Variants in RIN2 observed in about 807,000 individuals in gnomAD.
RIN2 encodes RAB5 interacting protein 2.
RIN2 carries 36 observed loss-of-function variants against 78.0 expected under a neutral mutation model. The ratio of observed to expected loss-of-function variants is 0.46; its 90% CI spans 0.35 to 0.61. The LOEUF is 0.61. Ranked by LOEUF, RIN2 falls within the 20% of genes least tolerant of loss-of-function variation. The pLI is 0.00. For synonymous variants in RIN2, 466 were observed against 466.8 expected, an observed-to-expected ratio of 1.00 and a Z score of 0.02; for missense variants, 1,087 against 1,159.7, an observed-to-expected ratio of 0.94 and a Z score of 0.91.
At chr20:19,757,753 T>C (rs2033429513), upstream of RIN2, 2 of 152,180 alleles carry the variant, frequency 1.3e-5, no homozygotes, top group Admixed American at 1.3e-4. Context: ...TGCGCGTTTG[T>C]GCTAAAACAA....
At chr20:19,968,565 A>G (rs1260183408) in intron 7 of RIN2, among the ~76,000 whole-genome samples, 3 of 152,168 alleles carry the variant, frequency 2.0e-5, no homozygotes, top group Non-Finnish European at 4.4e-5. Context: ...CTAATTTTCT[A>G]GTAGATCAAA....
chr20:19,911,548 C>CAAAAA (rs1158996240), intron 3 of RIN2, among the ~76,000 whole-genome samples: 2 of 152,250 alleles, frequency 1.3e-5, no homozygotes, highest in East Asian at 1.9e-4. Context: ...AGACACAAGC[C>CAAAAA]AAAAAGCTAT....
chr20:19,932,247 C>T (rs1005272248), intron 3 of RIN2, among the ~76,000 whole-genome samples: 35 of 152,192 alleles, frequency 2.3e-4, no homozygotes, highest in African/African-American at 8.4e-4. Context: ...TTTCCTCTCC[C>T]TGTCTCCACT....
chr20:19,913,918 T>C (rs540952970), intron 3 of RIN2, among the ~76,000 whole-genome samples: 2 of 152,336 alleles, frequency 1.3e-5, no homozygotes, highest in African/African-American at 4.8e-5. Flanking sequence ...TAAGGAAGAT[T>C]ATTTTTTTCT....
chr20:19,918,961 G>A (rs562230257), intron 3 of RIN2, among the ~76,000 whole-genome samples: 2 of 152,304 alleles, frequency 1.3e-5, no homozygotes, highest in African/African-American at 2.4e-5. Context: ...TGATATTCAC[G>A]GCAAATCTAC....
chr20:19,984,299 G>A (rs1333624511), intron 9 of RIN2, among the ~76,000 whole-genome samples: 1 of 152,110 alleles, frequency 6.6e-6, no homozygotes, highest in Non-Finnish European at 1.5e-5. Flanking sequence ...CACAAAGCTA[G>A]ATGGCATAGC....
intron 2 of RIN2, among the ~76,000 whole-genome samples, chr20:19,835,083 A>AAG (rs386393489): frequency 7.2e-6 from 1 of 139,542 alleles, no homozygotes; most frequent in Admixed American, 6.9e-5. Flanking sequence ...AAGAGAAAGA[A>AAG]AGAGAAAAAG....
At chr20:19,769,442 G>C (rs2034028880) in intron 1 of RIN2, among the ~76,000 whole-genome samples, 1 of 152,202 alleles carries the variant, frequency 6.6e-6, no homozygotes, top group Admixed American at 6.5e-5. Context: ...ATACACATGA[G>C]TATCTGAATG....
At chr20:19,942,935 T>C (rs2040940496) in intron 4 of RIN2, among the ~76,000 whole-genome samples, 2 of 152,254 alleles carry the variant, frequency 1.3e-5, no homozygotes, top group African/African-American at 4.8e-5. Flanking sequence ...GCTGCTATAT[T>C]GGCAATTGGT....
intron 3 of RIN2, among the ~76,000 whole-genome samples, chr20:19,913,650 C>T (rs2039567919): frequency 6.6e-6 from 1 of 152,142 alleles, no homozygotes; most frequent in Non-Finnish European, 1.5e-5. Flanking sequence ...TTTGACTCCT[C>T]TCGGTACTTC....
intron 2 of RIN2, among the ~76,000 whole-genome samples, chr20:19,800,713 T>C (rs1407822310): frequency 1.3e-5 from 2 of 152,220 alleles, no homozygotes; most frequent in African/African-American, 2.4e-5. Context: ...CTGTCCCTGC[T>C]AAACCATCCC....
chr20:19,877,743 G>T (rs2037899875), intron 2 of RIN2, among the ~76,000 whole-genome samples: 1 of 152,156 alleles, frequency 6.6e-6, no homozygotes, highest in South Asian at 2.1e-4. Flanking sequence ...GTGGGGCTGG[G>T]CACAGTGGTT....
chr20:19,824,238 C>A (rs77554292), intron 2 of RIN2, among the ~76,000 whole-genome samples: 3 of 152,194 alleles, frequency 2.0e-5, no homozygotes. Context: ...TTTGCTACCA[C>A]GCCTTATCAG....
chr20:19,918,927 G>C (rs1182201229), intron 3 of RIN2, among the ~76,000 whole-genome samples: 1 of 152,238 alleles, frequency 6.6e-6, no homozygotes, highest in African/African-American at 2.4e-5. Flanking sequence ...TTTGGTGGCT[G>C]AACTATGTGT....
chr20:19,997,220 G>C (rs1311851906), intron 12 of RIN2, among the ~76,000 whole-genome samples: 1 of 152,176 alleles, frequency 6.6e-6, no homozygotes, highest in Non-Finnish European at 1.5e-5. Context: ...AGAGGGAGAG[G>C]AACAGCGATG....
Position 19,996,849 on chromosome 20 carries a change from A to C in RIN2, c.2364+7A>C, listed in dbSNP as rs750843136. The stretch of plus-strand genomic sequence containing the variant: ...CTCTGTGGACGACTTCCAGGTGTGC[A>C]GCTGGCCACCCCTTTGCTTCCTTCG... On this transcript the variant is annotated splice_region_variant and intron_variant, in intron 12 of 12. Transcript: ENST00000255006. 2.5e-6 allele frequency: 4 copies of C among 1,576,170 alleles called. No individual in the cohort carries two copies. In the African/African-American group the frequency reaches 5.4e-5, roughly 21 times the overall value.
intron 4 of RIN2, among the ~76,000 whole-genome samples, chr20:19,943,939 A>G (rs1339884867): frequency 6.8e-6 from 1 of 147,466 alleles, no homozygotes; most frequent in East Asian, 2.0e-4. Flanking sequence ...GACTAATAGA[A>G]TATTACAGAG....
intron 1 of RIN2, among the ~76,000 whole-genome samples, chr20:19,796,638 C>A (rs190541997): frequency 6.6e-6 from 1 of 152,164 alleles, no homozygotes. Context: ...TTCCTGTTCT[C>A]GACCTTCAGT....
chr20:19,878,413 G>A (rs2037920203), intron 2 of RIN2, among the ~76,000 whole-genome samples: 1 of 152,152 alleles, frequency 6.6e-6, no homozygotes. Flanking sequence ...TATCCACAGA[G>A]CTATTGGAGG....
Sources: allele counts gnomAD v4.1 joint callset (sites outside exome capture counted in the v4.1 genomes callset), GRCh38; gene constraint gnomAD v4.1.1; transcripts MANE v1.5; gene names NCBI Gene and HGNC (gene_info 2026-07-23, HGNC 2026-07-21).